Variants in EYS observed in about 807,000 individuals in gnomAD.
EYS encodes EGF-like photoreceptor maintenance factor.
EYS carries 250 observed loss-of-function variants against 282.1 expected under a neutral mutation model. That is an observed-to-expected ratio of 0.89 (90% CI 0.80 to 0.98). The LOEUF is 0.98. Among genes scored for constraint, EYS ranks in the 50% least tolerant of loss-of-function variants. The probability of loss-of-function intolerance (pLI) is 0.00; values close to 1 mark genes in which losing one functional copy is unlikely to be tolerated. For synonymous variants in EYS, 1,355 were observed against 1,282.9 expected, an observed-to-expected ratio of 1.06 and a Z score of -1.20; for missense variants, 4,016 against 3,709.0, an observed-to-expected ratio of 1.08 and a Z score of -2.15.
At chr6:64,328,767 T>G (rs1396816767) in intron 29 of EYS, among the ~76,000 whole-genome samples, 1 of 152,150 alleles carries the variant, frequency 6.6e-6, no homozygotes, top group Non-Finnish European at 1.5e-5. Context: ...GGTGGCAGCC[T>G]TAGTTGGAAA....
intron 22 of EYS, among the ~76,000 whole-genome samples, chr6:64,676,457 A>T (rs1769686012): frequency 6.6e-6 from 1 of 151,716 alleles, no homozygotes; most frequent in Middle Eastern, 3.2e-3. Flanking sequence ...CTCACTTTTT[A>T]AAATAACTTA....
At chr6:64,235,314 C>T (rs1251702599) in intron 30 of EYS, among the ~76,000 whole-genome samples, 3 of 149,832 alleles carry the variant, frequency 2.0e-5, no homozygotes, top group East Asian at 4.0e-4. Context: ...TGTTCAATTC[C>T]CACCTATGAG....
chr6:64,370,798 T>C (rs975733096), intron 29 of EYS, among the ~76,000 whole-genome samples: 1 of 152,114 alleles, frequency 6.6e-6, no homozygotes, highest in Non-Finnish European at 1.5e-5. Flanking sequence ...GTTGTCTAGC[T>C]CGCATGCATA....
intron 30 of EYS, among the ~76,000 whole-genome samples, chr6:64,232,995 G>C (rs1459509838): frequency 6.6e-6 from 1 of 152,092 alleles, no homozygotes; most frequent in African/African-American, 2.4e-5. Context: ...TTAATTTTTA[G>C]TTTTAATGTT....
Position 64,066,331 on chromosome 6 carries a change from T to C in EYS, c.6725+7A>G, listed in dbSNP as rs1771368011. On this transcript the variant is annotated splice_region_variant and intron_variant, in intron 33 of 42. Transcript: ENST00000503581. ...ACGAAAGAACTACCGTGGAGTACAG[T>C]ACTTACCGTATTGTGATAGGGGTGA... 1.9e-6 allele frequency: 3 copies of C among 1,549,096 alleles called. No individual in the cohort carries two copies. The highest frequency in any genetic ancestry group is 2.6e-6 in the Non-Finnish European group (3 of 1,145,936).
At chr6:64,434,789 A>G (rs912843669) in intron 28 of EYS, among the ~76,000 whole-genome samples, 1 of 152,124 alleles carries the variant, frequency 6.6e-6, no homozygotes, top group Admixed American at 6.6e-5. Flanking sequence ...TACTTGATAT[A>G]AATTCCTGTT....
At chr6:63,762,166 C>T (rs568443350) in intron 41 of EYS, among the ~76,000 whole-genome samples, 1 of 152,102 alleles carries the variant, frequency 6.6e-6, no homozygotes, top group South Asian at 2.1e-4. Context: ...GAGTTATGAA[C>T]TTAAGCTCAC....
chr6:65,402,639 A>G lies in EYS; in HGVS notation c.1057-34T>C, dbSNP rs188363099. On this transcript the variant is annotated intron_variant, in intron 6 of 42. Transcript: ENST00000503581. ...GATTAAAAAAATATTTTTACAAAGT[A>G]TTATGGATATTTCAAAGGTAATGAA... is the stretch of plus-strand genomic sequence containing the variant. 5.8e-5 allele frequency: 83 copies of G among 1,424,926 alleles called. 1 individual carries two copies. The African/African-American group carries it at 1.0e-3, about 17-fold the overall frequency. The allele number at this position is 1,424,926 out of a possible 1,614,324, so 88.3% of individuals were successfully genotyped here. A position where few individuals can be genotyped will look rare whatever the true frequency, so the allele number is the denominator to read the frequency against.
intron 22 of EYS, among the ~76,000 whole-genome samples, chr6:64,764,740 TG>T (rs1346812738): frequency 6.6e-6 from 1 of 152,120 alleles, no homozygotes; most frequent in African/African-American, 2.4e-5. Flanking sequence ...TTTTGTTTTT[TG>T]TTTGTTTGTT....
chr6:65,703,234 T>A (rs780759846), intron 1 of EYS, among the ~76,000 whole-genome samples: 4 of 152,176 alleles, frequency 2.6e-5, no homozygotes, highest in African/African-American at 4.8e-5. Flanking sequence ...ACTCTCTCTA[T>A]ATATATGTAT....
intron 2 of EYS, among the ~76,000 whole-genome samples, chr6:65,586,844 GTTTATC>G (rs1765066461): frequency 1.3e-5 from 2 of 151,976 alleles, no homozygotes; most frequent in African/African-American, 2.4e-5. Flanking sequence ...ATGATAGACA[GTTTATC>G]TTTAACTAGA....
chr6:64,844,705 T>C (rs1765668649), intron 19 of EYS, among the ~76,000 whole-genome samples: 2 of 152,170 alleles, frequency 1.3e-5, no homozygotes, highest in Non-Finnish European at 2.9e-5. Context: ...ATAGTGGAAA[T>C]GGATGAGTAG....
At chr6:64,900,091 T>C (rs1204147154) in intron 18 of EYS, among the ~76,000 whole-genome samples, 2 of 152,082 alleles carry the variant, frequency 1.3e-5, no homozygotes, top group Non-Finnish European at 2.9e-5. Context: ...TCTACAACCA[T>C]CTGATCTTTG....
At chr6:64,453,504 T>C (rs1163386641) in intron 26 of EYS, among the ~76,000 whole-genome samples, 2 of 152,230 alleles carry the variant, frequency 1.3e-5, no homozygotes, top group Non-Finnish European at 2.9e-5. Context: ...ATCCCATTAC[T>C]GGGTATCTAC....
rs143339487 is a variant in EYS at position 64,329,176 on chromosome 6, C to T, written c.6079-22094G>A. On this transcript the variant is annotated intron_variant, in intron 29 of 42. Transcript: ENST00000503581. ...ATGGTCCATACTGGTGTGGAGCACT[C>T]GGTAGTAAATCAAGCAATTTGGCTA... Among the ~76,000 whole-genome samples, 231 of 152,084 alleles carry T rather than the reference C, an allele frequency of 1.5e-3. 2 individuals are homozygous for T. The highest frequency in any genetic ancestry group is 5.3e-3 in the African/African-American group (221 of 41,476).
At chr6:65,044,166 T>C (rs1773028416) in intron 13 of EYS, among the ~76,000 whole-genome samples, 2 of 151,874 alleles carry the variant, frequency 1.3e-5, no homozygotes, top group Admixed American at 1.3e-4. Context: ...TAAATGTATC[T>C]GTTTGCCATT....
At chr6:64,152,148 A>G (rs553731072) in intron 31 of EYS, among the ~76,000 whole-genome samples, 2 of 152,296 alleles carry the variant, frequency 1.3e-5, no homozygotes, top group South Asian at 4.1e-4. Flanking sequence ...TAAAAAAATA[A>G]AAAGTCTGCT....
At chr6:64,055,391 A>G (rs1024250036) in intron 33 of EYS, among the ~76,000 whole-genome samples, 9 of 152,172 alleles carry the variant, frequency 5.9e-5, no homozygotes, top group Admixed American at 2.0e-4. Context: ...TGATATTCAC[A>G]GAAGCCTATA....
chr6:64,730,078 G>A (rs1420044436), intron 22 of EYS, among the ~76,000 whole-genome samples: 1 of 152,102 alleles, frequency 6.6e-6, no homozygotes, highest in Non-Finnish European at 1.5e-5. Context: ...GAAAATGGAA[G>A]CCTTGTTAAA....
Sources: allele counts gnomAD v4.1 joint callset (sites outside exome capture counted in the v4.1 genomes callset), GRCh38; gene constraint gnomAD v4.1.1; transcripts MANE v1.5; gene names NCBI Gene and HGNC (gene_info 2026-07-23, HGNC 2026-07-21).